Variants in STAP1 observed in about 807,000 individuals in gnomAD.
The protein encoded by STAP1 is signal-transducing adaptor protein 1.
In STAP1, 30 loss-of-function variants were observed where a neutral mutation model predicts 37.8. The observed-to-expected ratio is 0.79, with a 90% confidence interval of 0.59 to 1.08. STAP1 has a LOEUF of 1.08. Ranked by LOEUF, STAP1 falls within the 50% of genes least tolerant of loss-of-function variation. The pLI, the probability that STAP1 is intolerant of heterozygous loss-of-function variation, is 0.00. For missense variants in STAP1, 357 were observed against 349.4 expected (o/e 1.02, Z -0.17); for synonymous variants, 130 against 116.0 (o/e 1.12, Z -0.78).
intron 1 of STAP1, among the ~76,000 whole-genome samples, chr4:67,562,859 T>C (rs1727382342): frequency 6.6e-6 from 1 of 151,948 alleles, no homozygotes; most frequent in South Asian, 2.1e-4. Flanking sequence ...TTATTTGATA[T>C]ATAAAAAATG....
chr4:67,576,463 C>T (rs1254862436), intron 3 of STAP1, among the ~76,000 whole-genome samples: 1 of 152,004 alleles, frequency 6.6e-6, no homozygotes, highest in East Asian at 1.9e-4. Context: ...ATCTATAAAA[C>T]AATCAAACAA....
intron 4 of STAP1, among the ~76,000 whole-genome samples, chr4:67,579,371 A>G (rs1300486215): frequency 2.6e-5 from 4 of 152,354 alleles, no homozygotes; most frequent in African/African-American, 7.2e-5. Context: ...TCCTGGTTCC[A>G]TAACTTACTA....
intron 1 of STAP1, among the ~76,000 whole-genome samples, chr4:67,562,036 C>A (rs1200402772): frequency 2.3e-5 from 3 of 132,242 alleles, no homozygotes; most frequent in Non-Finnish European, 3.1e-5. Context: ...CGCGCCACTG[C>A]ACTCCAGCCT....
intron 8 of STAP1, among the ~76,000 whole-genome samples, chr4:67,601,735 T>C (rs1728346609): frequency 6.6e-6 from 1 of 152,220 alleles, no homozygotes; most frequent in African/African-American, 2.4e-5. Context: ...AGCTCCTTTG[T>C]ATTTTGTTTG....
Position 67,558,947 on chromosome 4 carries a change from A to G in STAP1, c.120+18A>G. ...GATACCGGGTGAGTCTATAGATGATAATGTTAAACCTAAGACTTCTGTTTT... is the reference window on the plus strand; with the variant it reads ...GATACCGGGTGAGTCTATAGATGATGATGTTAAACCTAAGACTTCTGTTTT... On this transcript the variant is annotated intron_variant, in intron 1 of 8. Coordinates refer to ENST00000265404, the MANE Select transcript of STAP1 (RefSeq NM_012108.4). 4 of 1,579,366 alleles carry G rather than the reference A, an allele frequency of 2.5e-6. No individual in the cohort carries two copies. Among genetic ancestry groups the G allele is most frequent in the Non-Finnish European group, 3.4e-6 (4 of 1,162,764 alleles).
intron 6 of STAP1, among the ~76,000 whole-genome samples, chr4:67,586,235 G>A (rs372538213): frequency 6.6e-6 from 1 of 152,134 alleles, no homozygotes; most frequent in Non-Finnish European, 1.5e-5. Context: ...GAAGCAGGTG[G>A]ATCATGAGGT....
intron 6 of STAP1, among the ~76,000 whole-genome samples, chr4:67,589,082 A>G (rs1218548066): frequency 1.3e-5 from 2 of 152,238 alleles, no homozygotes. Context: ...CAAGTTTTCT[A>G]TCAGTCTTCC....
chr4:67,596,908 G>C (rs1728237907), intron 8 of STAP1, among the ~76,000 whole-genome samples: 1 of 152,226 alleles, frequency 6.6e-6, no homozygotes, highest in South Asian at 2.1e-4. Context: ...TTTGCAGCCT[G>C]ACCATGTGGT....
intron 1 of STAP1, among the ~76,000 whole-genome samples, chr4:67,570,492 A>C (rs559441173): frequency 6.6e-6 from 1 of 152,266 alleles, no homozygotes; most frequent in South Asian, 2.1e-4. Flanking sequence ...GAAATGTTAT[A>C]CTAAAATAAA....
intron 6 of STAP1, among the ~76,000 whole-genome samples, chr4:67,588,762 A>G (rs1033677058): frequency 6.6e-6 from 1 of 152,158 alleles, no homozygotes; most frequent in Non-Finnish European, 1.5e-5. Context: ...ATAGGTTACC[A>G]TTTGTGGGTG....
At chr4:67,575,799 C>T (rs574770529) in intron 3 of STAP1, among the ~76,000 whole-genome samples, 42 of 152,294 alleles carry the variant, frequency 2.8e-4, no homozygotes, top group African/African-American at 1.0e-3. Flanking sequence ...CAATAAAAGT[C>T]ACCCAGTAAC....
rs370473803 is a variant in STAP1 at position 67,571,122 on chromosome 4, T to C, written c.159T>C (p.Thr53=). ...ACTGGACAGAGTTGAGAGGAACTACTCTTTTCTTTTATACCGACAAAAAGA... is the reference window on the plus strand; with the variant it reads ...ACTGGACAGAGTTGAGAGGAACTACCCTTTTCTTTTATACCGACAAAAAGA... ...EHYWTELRGT[T]LFFYTDKKSI... is the part of the protein sequence containing the mutation. Residue 53 remains threonine (T), a synonymous_variant, in exon 2 of 9, where the codon ACT becomes ACC. Transcript: ENST00000265404. 1 of 1,611,656 alleles carries C rather than the reference T, an allele frequency of 6.2e-7. No individual in the cohort carries two copies. The highest frequency in any genetic ancestry group is 1.1e-5 in the South Asian group (1 of 91,032).
intron 8 of STAP1, among the ~76,000 whole-genome samples, chr4:67,600,819 G>A (rs1257794991): frequency 1.3e-5 from 2 of 151,932 alleles, no homozygotes; most frequent in African/African-American, 4.8e-5. Context: ...ATTTCTATTT[G>A]TGGAATATCT....
At chr4:67,563,189 C>T (rs1008126693) in intron 1 of STAP1, among the ~76,000 whole-genome samples, 7 of 152,090 alleles carry the variant, frequency 4.6e-5, no homozygotes, top group Admixed American at 1.3e-4. Flanking sequence ...AGAATTTGGG[C>T]GATTCCTTCA....
rs1553900082 is a variant in STAP1, at chr4:67,560,643, G to GGT, written c.120+1721_120+1722dup. On this transcript the variant is annotated intron_variant, in intron 1 of 8. Transcript: ENST00000265404. ...ATAGTAAAGTATCTTTGTGTGTGTG[G>GGT]GTGTGTGTCTGTGTGTGTGTGTGTG... Among the ~76,000 whole-genome samples, 942 of 149,604 alleles carry GGT rather than the reference G, an allele frequency of 6.3e-3. 5 individuals carry two copies. Among genetic ancestry groups the GGT allele is most frequent in the African/African-American group, 0.019 (784 of 40,684 alleles).
In STAP1 at chr4:67,601,996, C is replaced by CT. The variant is rs559656767; in HGVS notation, c.827-4293dup. ...AACTCTTAGATTTGCTCTTTGGAGG[C>CT]TTTTTTTCAAGATATTGTAGGTGTG... is the stretch of plus-strand genomic sequence containing the variant. On this transcript the variant is annotated intron_variant, in intron 8 of 8. Coordinates refer to ENST00000265404, the MANE Select transcript of STAP1 (RefSeq NM_012108.4). Among the ~76,000 whole-genome samples the CT allele has an allele frequency of 1.8e-3, 276 of 151,872 alleles. 1 individual carries two copies. The highest frequency in any genetic ancestry group is 6.2e-3 in the African/African-American group (257 of 41,444).
At chr4:67,582,040 G>A (rs1171042279) in intron 5 of STAP1, among the ~76,000 whole-genome samples, 1 of 152,070 alleles carries the variant, frequency 6.6e-6, no homozygotes, top group Admixed American at 6.5e-5. Context: ...TCTTGGTGGT[G>A]TTGTCAATAA....
intron 6 of STAP1, 139 bp from the exon 7 acceptor site, chr4:67,590,745 A>ATTTTTTTTTTTTTTTTTTTTTTTTTTTTT (rs66493617): frequency 5.0e-6 from 1 of 200,246 alleles, no homozygotes; most frequent in Non-Finnish European, 9.2e-6. Flanking sequence ...ACCACGAAGG[A>ATTTTTTTTTTTTTTTTTTTTTTTTTTTTT]TTTTTTTTTT....
In STAP1 at chr4:67,558,814, T is replaced by A. The variant is rs141604937; in HGVS notation, c.5T>A (p.Met2Lys). The A allele has an allele frequency of 2.1e-4, 337 of 1,612,992 alleles. No individual in the cohort carries two copies. The highest frequency in any genetic ancestry group is 2.7e-4 in the Non-Finnish European group (324 of 1,179,444). M[M>K]AKKPPKPAPR... ...CCACACACCAAAGAGAGGGGTATGA[T>A]GGCTAAGAAGCCCCCAAAACCAGCC... Residue 2 changes from methionine (M) to lysine (K), a missense_variant, in exon 1 of 9, where the codon ATG (methionine) becomes AAG (lysine). Transcript: ENST00000265404.
Sources: gnomAD v4.1 joint callset for allele counts (sites outside exome capture counted in the v4.1 genomes callset) on GRCh38, gnomAD v4.1.1 for gene constraint, MANE v1.5 for transcripts, NCBI Gene and HGNC (gene_info 2026-07-23, HGNC 2026-07-21) for gene names.